LRP8: variants seen among roughly 807,000 people sequenced by gnomAD.
The protein encoded by LRP8 is LDL receptor related protein 8.
LRP8 carries 46 observed loss-of-function variants against 111.6 expected under a neutral mutation model. That is an observed-to-expected ratio of 0.41 (90% confidence interval 0.33 to 0.53). The LOEUF (loss-of-function observed/expected upper bound fraction) is 0.53, where lower values mean the gene tolerates loss of function less well. LRP8 is among the 20% of genes least tolerant of loss of function. The probability of loss-of-function intolerance (pLI) is 0.20; values close to 1 mark genes in which losing one functional copy is unlikely to be tolerated. For missense variants in LRP8, 959 were observed against 1,297.4 expected, an observed-to-expected ratio of 0.74 and a Z score of 4.01; for synonymous variants, 464 against 511.2, an observed-to-expected ratio of 0.91 and a Z score of 1.24.
At position 53,249,358 on chromosome 1, in the gene LRP8, A is replaced by G. The variant is rs200264484; in HGVS notation, c.2853+22T>C. 9.7e-5 allele frequency: 157 copies of G among 1,611,548 alleles called. No individual in the cohort carries two copies. The highest frequency in any genetic ancestry group is 1.2e-4 in the Non-Finnish European group (143 of 1,178,562). The stretch of plus-strand genomic sequence containing the variant: ...ATGCCCTCACTCACCAGCCCCTCAG[A>G]CTTAGAGTGGCACTGCCCTACCTTG... On this transcript the variant is annotated intron_variant, in intron 18 of 18. Transcript: ENST00000306052. This position sits in a 1 kb window ranked among gnomAD's most constrained non-coding sequence, Gnocchi z 4.1.
intron 2 of LRP8, among the ~76,000 whole-genome samples, chr1:53,318,844 T>C (rs906578822): frequency 3.3e-5 from 5 of 152,154 alleles, no homozygotes; most frequent in African/African-American, 1.2e-4. Context: ...GAAAAATCTC[T>C]AGAAGGCTAT....
In LRP8 at chr1:53,293,151, G is replaced by T. The variant is rs530385527; in HGVS notation, c.245-3462C>A. Among the ~76,000 whole-genome samples the T allele has an allele frequency of 6.6e-6, 1 of 152,324 alleles. No individual in the cohort carries two copies. The highest frequency in any genetic ancestry group is 6.5e-5 in the Admixed American group (1 of 15,296). On this transcript the variant is annotated intron_variant, in intron 2 of 18. Coordinates refer to ENST00000306052, the MANE Select transcript of LRP8 (RefSeq NM_004631.5). This position sits in a 1 kb window ranked among gnomAD's most constrained non-coding sequence, Gnocchi z 4.9. ...CAACCAGATACCCCCCAAAAACCCT[G>T]CCCTCCCTGGGATTCTGAAAGCCTG...
At chr1:53,287,675 C>A (rs1212946946) in intron 3 of LRP8, among the ~76,000 whole-genome samples, 3 of 152,180 alleles carry the variant, frequency 2.0e-5, no homozygotes. Context: ...TGAAGGAAGT[C>A]TATCAACTTC....
Position 53,246,884 on chromosome 1 carries a change from T to G in LRP8, c.*134A>C. The G allele has an allele frequency of 1.3e-6, 1 of 754,230 alleles. No individual in the cohort carries two copies. Among genetic ancestry groups the G allele is most frequent in the Non-Finnish European group, 2.1e-6 (1 of 473,580 alleles). The allele number at this position is 754,230 out of a possible 1,614,324, so 46.7% of individuals were successfully genotyped here. A position where few individuals can be genotyped will look rare whatever the true frequency, so the allele number is the denominator to read the frequency against. The stretch of plus-strand genomic sequence containing the variant: ...GTGGTTACCTTTCCGCAACATAAAT[T>G]TAAAAAAAAAATCACACACACACAT... On this transcript the variant is annotated 3_prime_UTR_variant, in exon 19 of 19. Transcript: ENST00000306052.
intron 2 of LRP8, among the ~76,000 whole-genome samples, chr1:53,315,776 C>T (rs1653713917): frequency 6.6e-6 from 1 of 152,214 alleles, no homozygotes; most frequent in South Asian, 2.1e-4. Context: ...AGCCCCAGAG[C>T]AGGAATACAC....
chr1:53,288,532 T>C (rs1239097144), intron 3 of LRP8: 1 of 151,282 alleles, frequency 6.6e-6, no homozygotes, highest in Non-Finnish European at 1.5e-5. Context: ...GCTCTTGCTC[T>C]GTTCTCTCTC....
Position 53,242,834 on chromosome 1 carries a change from T to TAA in LRP8, c.*4182_*4183dup, listed in dbSNP as rs1645665370. The TAA allele has an allele frequency of 9.4e-6, 1 of 106,342 alleles. No individual in the cohort carries two copies. Among genetic ancestry groups the TAA allele is most frequent in the Non-Finnish European group, 2.1e-5 (1 of 47,098 alleles). The allele number at this position is 106,342 out of a possible 1,614,324, so 6.6% of individuals were successfully genotyped here. The stretch of plus-strand genomic sequence containing the variant: ...TAAAAAAGTATCAAAACCTTGGCTT[T>TAA]AAATATATATATATATATATATATA... On this transcript the variant is annotated 3_prime_UTR_variant, in exon 19 of 19. Transcript: ENST00000306052.
intron 16 of LRP8, 81 bp downstream of exon 16, chr1:53,255,036 A>G: frequency 6.9e-7 from 1 of 1,441,896 alleles, no homozygotes; most frequent in Non-Finnish European, 9.7e-7. Context: ...GGGCAGGCCA[A>G]GTTCTCTACC....
At chr1:53,298,022 C>G (rs987994691) in intron 2 of LRP8, among the ~76,000 whole-genome samples, 10 of 152,172 alleles carry the variant, frequency 6.6e-5, no homozygotes, top group Non-Finnish European at 8.8e-5. Flanking sequence ...TCTAAGGGCC[C>G]CCTCCAGCTG....
intron 16 of LRP8, among the ~76,000 whole-genome samples, chr1:53,251,738 T>C (rs1299084478): frequency 6.6e-6 from 1 of 151,742 alleles, no homozygotes; most frequent in African/African-American, 2.4e-5. Context: ...GAAAAAAATT[T>C]AAGGGTATAA....
rs1647049553 is a variant in LRP8, at chr1:53,279,926, C to T, written c.496+661G>A. Among the ~76,000 whole-genome samples, 1 of 152,260 alleles carries T rather than the reference C, an allele frequency of 6.6e-6. No individual in the cohort carries two copies. The highest frequency in any genetic ancestry group is 2.4e-5 in the African/African-American group (1 of 41,468). Reference sequence around the variant, plus strand: ...AAAAGTGAGGCCTGGCCATGCTCCCCAATGGCCCAGGCCCTGCTGGCCTGC... The same window carrying T: ...AAAAGTGAGGCCTGGCCATGCTCCCTAATGGCCCAGGCCCTGCTGGCCTGC... On this transcript the variant is annotated intron_variant, in intron 4 of 18. Coordinates refer to ENST00000306052, the MANE Select transcript of LRP8 (RefSeq NM_004631.5). This position sits in a 1 kb window ranked among gnomAD's most constrained non-coding sequence, Gnocchi z 4.4.
At chr1:53,322,633 G>A (rs1189827739) in intron 2 of LRP8, among the ~76,000 whole-genome samples, 1 of 152,190 alleles carries the variant, frequency 6.6e-6, no homozygotes, top group African/African-American at 2.4e-5. Flanking sequence ...ATAGTTGGGA[G>A]CCCCAGGAGG....
Position 53,275,594 on chromosome 1 carries a change from T to G in LRP8, c.1006+37A>C, listed in dbSNP as rs1317984766. On this transcript the variant is annotated intron_variant, in intron 6 of 18. Coordinates refer to ENST00000306052, the MANE Select transcript of LRP8 (RefSeq NM_004631.5). The surrounding 1 kb of genome is among the most constrained non-coding windows in gnomAD (Gnocchi z 4.4). ...AGAGTTACCAGAGCCTAGGGCATCC[T>G]CACAGAGGATGTGTTCTGTGCCCTG... 6.2e-7 allele frequency: 1 copy of G among 1,610,702 alleles called. No homozygotes were observed. The highest frequency in any genetic ancestry group is 8.5e-7 in the Non-Finnish European group (1 of 1,177,814).
chr1:53,252,468 C>T (rs1645928805), intron 16 of LRP8, among the ~76,000 whole-genome samples: 1 of 151,948 alleles, frequency 6.6e-6, no homozygotes, highest in Non-Finnish European at 1.5e-5. Flanking sequence ...CCCAGGAGTT[C>T]GAGGATGCAG....
At chr1:53,306,739 G>T (rs558091169) in intron 2 of LRP8, among the ~76,000 whole-genome samples, 2 of 152,256 alleles carry the variant, frequency 1.3e-5, no homozygotes, top group South Asian at 4.1e-4. Flanking sequence ...CTCTGTCCTG[G>T]GTCCCACCTC....
intron 6 of LRP8, chr1:53,272,488 C>A: frequency 9.9e-7 from 1 of 1,011,746 alleles, no homozygotes. Context: ...CAGTGCTGAG[C>A]TGAGCCAGCC....
chr1:53,316,689 T>C (rs982010458), intron 2 of LRP8, among the ~76,000 whole-genome samples: 9 of 152,240 alleles, frequency 5.9e-5, no homozygotes, highest in African/African-American at 1.9e-4. Context: ...TGAGAGGGGC[T>C]GGAGATGCCC....
chr1:53,298,328 T>G (rs573247734), intron 2 of LRP8, among the ~76,000 whole-genome samples: 1 of 152,164 alleles, frequency 6.6e-6, no homozygotes, highest in Non-Finnish European at 1.5e-5. Context: ...CAGGAGGTAT[T>G]GAACGAGTGA....
At chr1:53,285,685 G>A (rs750025432) in intron 3 of LRP8, among the ~76,000 whole-genome samples, 1 of 152,288 alleles carries the variant, frequency 6.6e-6, no homozygotes. Context: ...GGCTGGGGAC[G>A]TGCCTGTTGT....
Sources: gnomAD v4.1 joint callset for allele counts (sites outside exome capture counted in the v4.1 genomes callset) on GRCh38, gnomAD v4.1.1 for gene constraint, Gnocchi (gnomAD v3.1) non-coding constraint, MANE v1.5 for transcripts, NCBI Gene and HGNC (gene_info 2026-07-23, HGNC 2026-07-21) for gene names.